STK4: variants seen among roughly 807,000 people sequenced by gnomAD.
STK4 encodes the protein serine/threonine kinase 4.
A neutral mutation model predicts 64.9 loss-of-function variants in STK4; 30 were observed. The observed-to-expected ratio is 0.46, with a 90% CI of 0.35 to 0.63. STK4 has a LOEUF of 0.63. STK4 is among the 20% of genes least tolerant of loss of function. The probability of loss-of-function intolerance (pLI) is 0.01; values close to 1 mark genes in which losing one functional copy is unlikely to be tolerated. For synonymous variants in STK4, 177 were observed against 199.0 expected (o/e 0.89, Z 0.93); for missense variants, 466 against 598.5 (o/e 0.78, Z 2.31).
At position 44,995,100 on chromosome 20, in the gene STK4, C is replaced by A; in HGVS notation, c.536C>A (p.Ala179Asp). 2 of 1,600,708 alleles carry A rather than the reference C, an allele frequency of 1.2e-6. No homozygotes were observed. Among genetic ancestry groups the A allele is most frequent in the Non-Finnish European group, 1.7e-6 (2 of 1,173,252 alleles). The change falls in exon 6 of 11, where the codon GCC (alanine) becomes GAC (aspartate). Residue 179 changes from alanine (A) to aspartate (D), a missense_variant. By Grantham distance (126) the Ala-to-Asp change is moderately radical (BLOSUM62 -2). Transcript: ENST00000372806. ...CCCTTTCTATTTTAGGATACCATGG[C>A]CAAGCGGAATACAGTGATAGGAACA... The part of the protein sequence containing the change: ...GVAGQLTDTM[A>D]KRNTVIGTPF...
chr20:44,995,184 T>G lies in STK4; in HGVS notation c.620T>G (p.Ile207Ser), dbSNP rs201578965. 1.2e-6 allele frequency: 2 copies of G among 1,613,904 alleles called. No homozygotes were observed. Among genetic ancestry groups the G allele is most frequent in the Admixed American group, 1.7e-5 (1 of 59,988 alleles). The change falls in exon 6 of 11, where the codon ATC (isoleucine) becomes AGC (serine). Residue 207 changes from isoleucine to serine, a missense_variant. This residue lies in a region of STK4 where 190 missense variants were observed against 289.7 expected (regional missense o/e 0.66). Transcript: ENST00000372806. ...ATTGGATACAACTGTGTAGCAGACA[T>G]CTGGTCCCTGGGAATAACTGCCATA... Reference protein sequence around the residue: ...QEIGYNCVADIWSLGITAIEM... With the variant: ...QEIGYNCVADSWSLGITAIEM...
chr20:44,998,113 G>A (rs940626646), intron 7 of STK4, among the ~76,000 whole-genome samples: 9 of 152,300 alleles, frequency 5.9e-5, no homozygotes, highest in Non-Finnish European at 1.2e-4. Flanking sequence ...AGTTCAGGGT[G>A]GGAGAAGGCC....
intron 2 of STK4, among the ~76,000 whole-genome samples, 188 bp from the exon 3 acceptor site, chr20:44,978,255 G>C (rs2067373756): frequency 6.6e-6 from 1 of 152,182 alleles, no homozygotes; most frequent in African/African-American, 2.4e-5. Context: ...CTTTCAAGAT[G>C]CCATTTTGTT....
intron 9 of STK4, among the ~76,000 whole-genome samples, chr20:45,011,227 G>A (rs2068039063): frequency 1.3e-5 from 2 of 152,026 alleles, no homozygotes; most frequent in Admixed American, 1.3e-4. Context: ...GACATGAGAG[G>A]GTCTGTGTCA....
At chr20:45,002,473 A>G (rs1193945207) in intron 9 of STK4, among the ~76,000 whole-genome samples, 1 of 152,216 alleles carries the variant, frequency 6.6e-6, no homozygotes, top group African/African-American at 2.4e-5. Context: ...AAGCAGTCAC[A>G]GTCTGAGTAA....
intron 10 of STK4, chr20:45,052,986 C>A: frequency 1.1e-6 from 1 of 927,018 alleles, no homozygotes; most frequent in Non-Finnish European, 1.7e-6. Flanking sequence ...ATTTTTGTTT[C>A]AACTTCTTAT....
At chr20:44,995,676 T>C (rs960067026) in intron 6 of STK4, among the ~76,000 whole-genome samples, 2 of 151,484 alleles carry the variant, frequency 1.3e-5, no homozygotes, top group African/African-American at 2.4e-5. Context: ...ATGAATTATG[T>C]GTAAATTTGT....
intron 10 of STK4, among the ~76,000 whole-genome samples, chr20:45,039,753 C>A (rs1016770455): frequency 6.6e-6 from 1 of 152,066 alleles, no homozygotes; most frequent in Non-Finnish European, 1.5e-5. Context: ...CAAGGACATT[C>A]TTAAGGATTT....
At position 44,997,266 on chromosome 20, in the gene STK4, A is replaced by G. The variant is rs1214007736; in HGVS notation, c.791A>G (p.Lys264Arg). The change falls in exon 7 of 11, where the codon AAG (lysine) becomes AGG (arginine). Residue 264 changes from lysine to arginine, a missense_variant. By Grantham distance (26) the Lys-to-Arg change is conservative (BLOSUM62 2). Around this residue, in one of 2 missense-constraint regions of STK4, gnomAD observed 276 missense variants for 308.9 expected, o/e 0.89. Coordinates refer to ENST00000372806, the MANE Select transcript of STK4 (RefSeq NM_006282.5). ...FTDFVKQCLV[K>R]SPEQRATATQ... ...GATTTTGTGAAACAGTGTCTTGTAAAGAGCCCTGAGCAGAGGGCCACAGCC... is the reference window on the plus strand; with the variant it reads ...GATTTTGTGAAACAGTGTCTTGTAAGGAGCCCTGAGCAGAGGGCCACAGCC... The G allele has an allele frequency of 6.2e-7, 1 of 1,613,370 alleles. No individual in the cohort carries two copies. Among genetic ancestry groups the G allele is most frequent in the East Asian group, 2.2e-5 (1 of 44,874 alleles).
chr20:45,055,800 T>C (rs186652388), intron 10 of STK4, among the ~76,000 whole-genome samples: 1 of 152,082 alleles, frequency 6.6e-6, no homozygotes, highest in East Asian at 1.9e-4. Context: ...TGGCATGATC[T>C]TGGCTCACTG....
intron 10 of STK4, among the ~76,000 whole-genome samples, chr20:45,061,595 A>ATT (rs1374245948): frequency 5.4e-5 from 6 of 111,542 alleles, no homozygotes; most frequent in African/African-American, 1.1e-4. Context: ...TTAGTATGGA[A>ATT]ATTTTTTTTT....
intron 2 of STK4, chr20:44,973,530 C>A (rs1555805081): frequency 6.6e-6 from 1 of 152,224 alleles, no homozygotes; most frequent in Non-Finnish European, 1.5e-5. Flanking sequence ...AAGGCTGTGA[C>A]CTTTAATCTA....
At chr20:44,991,220 C>T (rs2067627616) in intron 5 of STK4, among the ~76,000 whole-genome samples, 1 of 152,142 alleles carries the variant, frequency 6.6e-6, no homozygotes, top group Non-Finnish European at 1.5e-5. Context: ...ATGGATATAG[C>T]ATGATTTATT....
intron 4 of STK4, among the ~76,000 whole-genome samples, chr20:44,986,666 G>A (rs889994318): frequency 6.6e-6 from 1 of 152,216 alleles, no homozygotes; most frequent in Non-Finnish European, 1.5e-5. Context: ...GTCAGGACAC[G>A]ATGGTGACTT....
At chr20:44,978,083 T>C (rs1407861642) in intron 2 of STK4, among the ~76,000 whole-genome samples, 1 of 152,250 alleles carries the variant, frequency 6.6e-6, no homozygotes, top group African/African-American at 2.4e-5. Flanking sequence ...TTGAACCTTT[T>C]TACATTTACC....
At chr20:45,015,647 G>T (rs2068128042) in intron 9 of STK4, among the ~76,000 whole-genome samples, 1 of 152,224 alleles carries the variant, frequency 6.6e-6, no homozygotes, top group African/African-American at 2.4e-5. Context: ...GGACAAAGGA[G>T]TAGTGGAGTG....
intron 5 of STK4, among the ~76,000 whole-genome samples, chr20:44,990,284 T>G (rs1244936508): frequency 6.6e-6 from 1 of 152,228 alleles, no homozygotes; most frequent in African/African-American, 2.4e-5. Context: ...CTAAGTAGTT[T>G]GTACTTTTTG....
chr20:44,978,757 C>T (rs904936520), intron 3 of STK4, among the ~76,000 whole-genome samples, 186 bp downstream of exon 3: 3 of 147,966 alleles, frequency 2.0e-5, no homozygotes, highest in Non-Finnish European at 4.5e-5. Context: ...GCTAAACCTC[C>T]GTAATTTTTA....
At chr20:44,966,703 G>C in intron 1 of STK4, 100 bp downstream of exon 1, 1 of 1,230,546 alleles carries the variant, frequency 8.1e-7, no homozygotes, top group Non-Finnish European at 1.0e-6. Flanking sequence ...CCGGAGCTAA[G>C]CGACCCAGCC....
Sources: allele counts gnomAD v4.1 joint callset (sites outside exome capture counted in the v4.1 genomes callset), GRCh38; gene constraint gnomAD v4.1.1; regional missense constraint gnomAD v4.1.1; transcripts MANE v1.5; gene names NCBI Gene and HGNC (gene_info 2026-07-23, HGNC 2026-07-21).